Variants in GIPR observed in about 807,000 individuals in gnomAD.
GIPR encodes the protein gastric inhibitory polypeptide receptor, also known as GIP-R.
GIPR carries 74 observed loss-of-function variants against 62.2 expected under a neutral mutation model. The ratio of observed to expected loss-of-function variants is 1.19; its 90% CI spans 0.99 to 1.44. The LOEUF is 1.44. Among genes scored for constraint, GIPR ranks in the 40% most tolerant of loss-of-function variants. The pLI is 0.00. For missense variants in GIPR, 664 were observed against 611.8 expected, an observed-to-expected ratio of 1.09 and a Z score of -0.90; for synonymous variants, 256 against 262.2, an observed-to-expected ratio of 0.98 and a Z score of 0.23.
chr19:45,680,323 C>G (rs1158326418), intron 12 of GIPR, among the ~76,000 whole-genome samples: 4 of 152,016 alleles, frequency 2.6e-5, no homozygotes, highest in Non-Finnish European at 5.9e-5. Context: ...GATTGTGCCA[C>G]TGCACTCCAG....
Position 45,681,863 on chromosome 19 carries a change from C to A in GIPR, c.1329C>A (p.Ser443Arg). 1.3e-6 allele frequency: 2 copies of A among 1,554,430 alleles called. No individual in the cohort carries two copies. Among genetic ancestry groups the A allele is most frequent in the Non-Finnish European group, 1.7e-6 (2 of 1,148,496 alleles). Residue 443 changes from serine (S) to arginine (R), a missense_variant, in exon 14 of 14, where the codon AGC becomes AGA. Ser to Arg is a moderately radical substitution (Grantham distance 110). Coordinates refer to ENST00000590918, the MANE Select transcript of GIPR (RefSeq NM_000164.4). ...CCGGCCCGGGCGAGGTCCCCACCAG[C>A]CGCGGCTTGTCCTCGGGGACCCTCC... Reference protein sequence around the residue: ...SGSGPGEVPTSRGLSSGTLPG... With the variant: ...SGSGPGEVPTRRGLSSGTLPG...
chr19:45,670,409 C>G (rs76679856), intron 2 of GIPR: 78 of 453,190 alleles, frequency 1.7e-4, no homozygotes, highest in African/African-American at 1.4e-3. Flanking sequence ...CCAGCCACCC[C>G]CTCCCCAATT....
At chr19:45,673,886 G>A (rs937403711) in intron 5 of GIPR, among the ~76,000 whole-genome samples, 188 bp from the exon 6 acceptor site, 1 of 151,972 alleles carries the variant, frequency 6.6e-6, no homozygotes. Flanking sequence ...ATCTCTGGTT[G>A]GCTGGTCACA....
chr19:45,670,029 G>A (rs1185602642), intron 2 of GIPR, among the ~76,000 whole-genome samples: 2 of 151,662 alleles, frequency 1.3e-5, no homozygotes, highest in Admixed American at 1.3e-4. Context: ...TTGTTGGGTG[G>A]TGGTTTGTTT....
chr19:45,681,460 A>T (rs1600320216), intron 12 of GIPR, 144 bp from the exon 13 acceptor site: 2 of 772,508 alleles, frequency 2.6e-6, no homozygotes, highest in Non-Finnish European at 4.5e-6. Flanking sequence ...GTGCCACTGC[A>T]CTCCCGCCTG....
chr19:45,673,088 C>T, intron 5 of GIPR, 134 bp downstream of exon 5: 1 of 676,334 alleles, frequency 1.5e-6, no homozygotes, highest in Non-Finnish European at 2.7e-6. Context: ...CTCAGACTTG[C>T]TTCAAAGAGA....
rs1975530933 is a variant in GIPR at position 45,671,354 on chromosome 19, G to A, written c.242G>A (p.Arg81His). The part of the protein sequence containing the change: ...WDYAAPNATA[R>H]ASCPWYLPWH... ...TATGCTGCACCCAATGCCACTGCCC[G>A]TGCGTCCTGCCCCTGGTACCTGCCC... The change falls in exon 4 of 14, where the codon CGT becomes CAT. Residue 81 changes from arginine to histidine, a missense_variant. Arg to His is a conservative substitution (Grantham distance 29). Transcript: ENST00000590918. The A allele has an allele frequency of 3.7e-6, 6 of 1,611,910 alleles. No homozygotes were observed. The highest frequency in any genetic ancestry group is 1.3e-5 in the African/African-American group (1 of 74,904).
intron 12 of GIPR, among the ~76,000 whole-genome samples, chr19:45,679,255 G>C (rs58751599): frequency 2.0e-5 from 3 of 151,970 alleles, no homozygotes; most frequent in African/African-American, 7.3e-5. Flanking sequence ...CGAGGCAGGC[G>C]GATCACCTGA....
rs1471199129 is a variant in GIPR at position 45,677,731 on chromosome 19, C to T, written c.876C>T (p.Val292=). ...CCAGGTGCTGGGAGCGCAACGAAGT[C>T]AAGGCCATTTGGTGGATTATACGGA... ...ENTQCWERNE[V]KAIWWIIRTP... The change falls in exon 10 of 14, where the codon GTC becomes GTT. Residue 292 remains valine, a synonymous_variant. Coordinates refer to ENST00000590918, the MANE Select transcript of GIPR (RefSeq NM_000164.4). The T allele has an allele frequency of 6.2e-6, 10 of 1,613,418 alleles. No individual in the cohort carries two copies. The highest frequency in any genetic ancestry group is 6.8e-6 in the Non-Finnish European group (8 of 1,179,578).
rs1967263421 is a variant in GIPR, at chr19:45,681,877, C to T, written c.1343C>T (p.Ser448Leu). 3 of 1,556,282 alleles carry T rather than the reference C, an allele frequency of 1.9e-6. No homozygotes were observed. The highest frequency in any genetic ancestry group is 2.6e-6 in the Non-Finnish European group (3 of 1,149,568). The change falls in exon 14 of 14, where the codon TCG becomes TTG. Residue 448 changes from serine to leucine, a missense_variant. Transcript: ENST00000590918. ...GTCCCCACCAGCCGCGGCTTGTCCT[C>T]GGGGACCCTCCCAGGGCCTGGGAAT... is the stretch of plus-strand genomic sequence containing the variant. ...GEVPTSRGLS[S>L]GTLPGPGNEA...
In GIPR at chr19:45,674,827, G is replaced by C; in HGVS notation, c.633+1G>C. On this transcript the variant is annotated splice_donor_variant, in intron 7 of 13. Coordinates refer to ENST00000590918, the MANE Select transcript of GIPR (RefSeq NM_000164.4). LOFTEE classifies it high-confidence loss of function. Reference sequence around the variant, plus strand: ...CCAGGCCCTTGCGCTGTGGAACCAGGTGGGCATCCTCCTTCCGTTCCTCCA... The same window carrying C: ...CCAGGCCCTTGCGCTGTGGAACCAGCTGGGCATCCTCCTTCCGTTCCTCCA... The C allele has an allele frequency of 1.2e-6, 2 of 1,613,886 alleles. No homozygotes were observed. Among genetic ancestry groups the C allele is most frequent in the Non-Finnish European group, 1.7e-6 (2 of 1,179,852 alleles).
intron 7 of GIPR, 60 bp from the exon 8 acceptor site, chr19:45,676,889 G>A: frequency 6.7e-7 from 1 of 1,496,366 alleles, no homozygotes; most frequent in South Asian, 1.1e-5. Context: ...AAAGCTGGGG[G>A]AGACTGGGAG....
chr19:45,671,093 G>A (rs1249223429), intron 3 of GIPR, among the ~76,000 whole-genome samples, 192 bp from the exon 4 acceptor site: 1 of 152,016 alleles, frequency 6.6e-6, no homozygotes, highest in Non-Finnish European at 1.5e-5. Context: ...GAGCTTTGAG[G>A]CTGGTGGGAG....
Position 45,677,691 on chromosome 19 carries a change from T to C in GIPR, c.855-19T>C, listed in dbSNP as rs1226605590. The C allele has an allele frequency of 6.2e-7, 1 of 1,602,032 alleles. No individual in the cohort carries two copies. On this transcript the variant is annotated intron_variant, in intron 9 of 13. Transcript: ENST00000590918. ...GTCTAGAGTTTTTCTATCTCTTAGCTCTACTCCGCCTTCCCCAGGTGCTGG... is the reference window on the plus strand; with the variant it reads ...GTCTAGAGTTTTTCTATCTCTTAGCCCTACTCCGCCTTCCCCAGGTGCTGG...
At position 45,669,487 on chromosome 19, in the gene GIPR, C is replaced by T; in HGVS notation, c.-34C>T. 1 of 1,556,904 alleles carries T rather than the reference C, an allele frequency of 6.4e-7. No individual in the cohort carries two copies. The highest frequency in any genetic ancestry group is 8.7e-7 in the Non-Finnish European group (1 of 1,154,088). ...CCTGGGACCCTCCAGGCCTGATCGC[C>T]CCTGCACGAACCAGACCCTTCGCCG... On this transcript the variant is annotated 5_prime_UTR_variant, in exon 2 of 14. Transcript: ENST00000590918.
chr19:45,681,175 T>C (rs1967202969), intron 12 of GIPR, among the ~76,000 whole-genome samples: 1 of 151,954 alleles, frequency 6.6e-6, no homozygotes, highest in South Asian at 2.1e-4. Context: ...CTTCAGGGCC[T>C]GGCAAGGGCG....
In GIPR at chr19:45,677,953, G is replaced by A. The variant is rs778119256; in HGVS notation, c.972G>A (p.Lys324=). The change falls in exon 11 of 14, where the codon AAG becomes AAA. Residue 324 remains lysine (K), a synonymous_variant. Coordinates refer to ENST00000590918, the MANE Select transcript of GIPR (RefSeq NM_000164.4). ...GCATTCTTGGCATTCTCCTGTCCAA[G>A]CTGAGGACACGGCAAATGCGCTGCC... The part of the protein sequence containing the change: ...FIRILGILLS[K]LRTRQMRCRD... The A allele has an allele frequency of 6.8e-6, 11 of 1,613,904 alleles. No individual in the cohort carries two copies. The East Asian group carries it at 1.1e-4, about 16-fold the overall frequency.
chr19:45,674,729 C>T lies in GIPR; in HGVS notation c.536C>T (p.Ser179Phe), dbSNP rs1975739705. ...RNYIHINLFT[S>F]FMLRAAAILS... Reference sequence around the variant, plus strand: ...TATATCCACATCAACCTGTTCACGTCTTTCATGCTGCGAGCTGCGGCCATT... The same window carrying T: ...TATATCCACATCAACCTGTTCACGTTTTTCATGCTGCGAGCTGCGGCCATT... The change falls in exon 7 of 14, where the codon TCT (serine) becomes TTT (phenylalanine). Residue 179 changes from serine (S) to phenylalanine (F), a missense_variant. Transcript: ENST00000590918. 1 of 1,614,056 alleles carries T rather than the reference C, an allele frequency of 6.2e-7. No individual in the cohort carries two copies. The highest frequency in any genetic ancestry group is 1.1e-5 in the South Asian group (1 of 91,068).
chr19:45,672,718 TATCATCATCATC>T (rs13306396), intron 4 of GIPR, 121 bp from the exon 5 acceptor site: 14 of 696,314 alleles, frequency 2.0e-5, no homozygotes, highest in African/African-American at 7.1e-5. Context: ...TATAAGGGTT[TATCATCATCATC>T]ATCATCATCA....
Sources: allele counts gnomAD v4.1 joint callset (sites outside exome capture counted in the v4.1 genomes callset), GRCh38; gene constraint gnomAD v4.1.1; transcripts MANE v1.5; gene names NCBI Gene and HGNC (gene_info 2026-07-23, HGNC 2026-07-21).